Variants in CHSY3 observed in about 807,000 individuals in gnomAD.
The protein encoded by CHSY3 is chondroitin sulfate synthase 3, also known as N-acetylgalactosaminyl-proteoglycan 3-beta-glucuronosyltransferase 3.
A neutral mutation model predicts 67.2 loss-of-function variants in CHSY3; 35 were observed. The ratio of observed to expected loss-of-function variants is 0.52; its 90% confidence interval spans 0.40 to 0.69. CHSY3 has a LOEUF of 0.69. CHSY3 is among the 30% of genes least tolerant of loss of function. The probability of loss-of-function intolerance (pLI) is 0.00; values close to 1 mark genes in which losing one functional copy is unlikely to be tolerated. For missense variants in CHSY3, 1,069 were observed against 1,138.5 expected (o/e 0.94, Z 0.88); for synonymous variants, 474 against 434.7 (o/e 1.09, Z -1.12).
intron 2 of CHSY3, among the ~76,000 whole-genome samples, chr5:130,178,798 T>G (rs73788433): frequency 2.4e-4 from 37 of 152,304 alleles, no homozygotes; most frequent in African/African-American, 8.9e-4. Context: ...AAATAAATAT[T>G]GAATTTGTTA....
At position 129,991,880 on chromosome 5, in the gene CHSY3, G is replaced by C. The variant is rs947870102; in HGVS notation, c.1086+83520G>C. On this transcript the variant is annotated intron_variant, in intron 2 of 2. Coordinates refer to ENST00000305031, the MANE Select transcript of CHSY3 (RefSeq NM_175856.5). ...TAATGACGTCCCCAAAAGATTTCAG[G>C]GAACATGAAGTTGCTTCTGAGAACT... is the stretch of plus-strand genomic sequence containing the variant. 8.5e-5 allele frequency among the ~76,000 whole-genome samples: 13 copies of C among 152,196 alleles called. No homozygotes were observed. The East Asian group carries it at 1.4e-3, about 16-fold the overall frequency.
intron 2 of CHSY3, among the ~76,000 whole-genome samples, chr5:129,993,539 T>G (rs1228846322): frequency 6.6e-6 from 1 of 151,946 alleles, no homozygotes; most frequent in African/African-American, 2.4e-5. Flanking sequence ...AATCCCTGCC[T>G]TTTTTTTGTT....
Position 129,904,751 on chromosome 5 carries a change from G to A in CHSY3, c.-79G>A. 6 of 1,246,522 alleles carry A rather than the reference G, an allele frequency of 4.8e-6. No individual in the cohort carries two copies. Among genetic ancestry groups the A allele is most frequent in the Non-Finnish European group, 6.0e-6 (6 of 997,254 alleles). The allele number at this position is 1,246,522 out of a possible 1,614,324, so 77.2% of individuals were successfully genotyped here. On this transcript the variant is annotated 5_prime_UTR_variant, in exon 1 of 3. Coordinates refer to ENST00000305031, the MANE Select transcript of CHSY3 (RefSeq NM_175856.5). The stretch of plus-strand genomic sequence containing the variant: ...CCGCGGCTGGGGGCGCAAAGGCGGA[G>A]GAGGGGCGGGTGTGAGCCGGGGAAA...
At chr5:130,001,711 A>C in intron 2 of CHSY3, 1 of 758,826 alleles carries the variant, frequency 1.3e-6, no homozygotes, top group Non-Finnish European at 1.6e-6. Context: ...AAAAATAAGT[A>C]ACATTATTTT....
At chr5:130,132,525 C>A (rs9968591) in intron 2 of CHSY3, among the ~76,000 whole-genome samples, 12,403 of 152,096 alleles carry the variant, frequency 0.082, 568 homozygotes, top group African/African-American at 0.1. Flanking sequence ...ATTCTTGGTA[C>A]CTTAAGCCAC....
chr5:130,162,155 T>C (rs1037168304), intron 2 of CHSY3, among the ~76,000 whole-genome samples: 1 of 152,144 alleles, frequency 6.6e-6, no homozygotes, highest in Non-Finnish European at 1.5e-5. Flanking sequence ...ACCGTTTACC[T>C]ATTGACATTT....
At chr5:130,088,938 C>G (rs1451539126) in intron 2 of CHSY3, among the ~76,000 whole-genome samples, 2 of 151,984 alleles carry the variant, frequency 1.3e-5, no homozygotes, top group Non-Finnish European at 2.9e-5. Flanking sequence ...TTTATTGCGG[C>G]ACTATTCACA....
At position 130,128,253 on chromosome 5, in the gene CHSY3, T is replaced by TGTGTGTGTGC. The variant is rs760472284; in HGVS notation, c.1087-55975_1087-55974insTGTGTGTGCG. The stretch of plus-strand genomic sequence containing the variant: ...TGGTGTGTGTGTGTGTGTGTGTGTG[T>TGTGTGTGTGC]GCGCTCACATGCTCAGGCATGCACA... On this transcript the variant is annotated intron_variant, in intron 2 of 2. Coordinates refer to ENST00000305031, the MANE Select transcript of CHSY3 (RefSeq NM_175856.5). Among the ~76,000 whole-genome samples, 361 of 151,008 alleles carry TGTGTGTGTGC rather than the reference T, an allele frequency of 2.4e-3. 1 individual carries two copies. Among genetic ancestry groups the TGTGTGTGTGC allele is most frequent in the African/African-American group, 6.9e-3 (284 of 41,100 alleles).
chr5:129,937,640 A>C (rs1172806137), intron 2 of CHSY3, among the ~76,000 whole-genome samples: 1 of 141,574 alleles, frequency 7.1e-6, no homozygotes, highest in Non-Finnish European at 1.5e-5. Context: ...TATGAGCCTG[A>C]AAAAAAAAAA....
At chr5:130,109,751 G>A (rs1213608619) in intron 2 of CHSY3, among the ~76,000 whole-genome samples, 1 of 151,566 alleles carries the variant, frequency 6.6e-6, no homozygotes, top group Non-Finnish European at 1.5e-5. Flanking sequence ...ATATTAGGTG[G>A]GGATTTGACA....
At chr5:130,022,572 A>G (rs60714581) in intron 2 of CHSY3, among the ~76,000 whole-genome samples, 36 of 152,036 alleles carry the variant, frequency 2.4e-4, no homozygotes, top group African/African-American at 8.7e-4. Flanking sequence ...TCTTTTTGTG[A>G]CCCTGTTTGA....
At chr5:130,076,992 A>C (rs1766286194) in intron 2 of CHSY3, among the ~76,000 whole-genome samples, 1 of 151,678 alleles carries the variant, frequency 6.6e-6, no homozygotes, top group Non-Finnish European at 1.5e-5. Flanking sequence ...GATATACCTA[A>C]TGCTAAATGA....
At chr5:130,037,046 T>C (rs1764881453) in intron 2 of CHSY3, among the ~76,000 whole-genome samples, 1 of 152,086 alleles carries the variant, frequency 6.6e-6, no homozygotes, top group Admixed American at 6.6e-5. Context: ...CAAAGATGCT[T>C]ATTGGAAGTA....
At chr5:129,976,437 T>A (rs1762807734) in intron 2 of CHSY3, among the ~76,000 whole-genome samples, 1 of 152,140 alleles carries the variant, frequency 6.6e-6, no homozygotes, top group African/African-American at 2.4e-5. Flanking sequence ...GTTTCATAGA[T>A]AATATCCCAG....
At chr5:129,911,447 G>A (rs1760544833) in intron 2 of CHSY3, among the ~76,000 whole-genome samples, 2 of 152,124 alleles carry the variant, frequency 1.3e-5, no homozygotes, top group African/African-American at 4.8e-5. Context: ...GATTTTAAGA[G>A]TGTTTATCTC....
chr5:130,086,955 G>A (rs1766656285), intron 2 of CHSY3, among the ~76,000 whole-genome samples: 1 of 152,112 alleles, frequency 6.6e-6, no homozygotes, highest in Non-Finnish European at 1.5e-5. Flanking sequence ...GAACAGTGAT[G>A]CAAAAATCCT....
chr5:129,960,898 C>T (rs1762311494), intron 2 of CHSY3, among the ~76,000 whole-genome samples: 1 of 151,898 alleles, frequency 6.6e-6, no homozygotes, highest in Non-Finnish European at 1.5e-5. Flanking sequence ...GCCTAGTGTT[C>T]GTAGTTATCA....
intron 2 of CHSY3, among the ~76,000 whole-genome samples, chr5:130,118,095 C>T (rs1200512341): frequency 4.6e-5 from 7 of 152,088 alleles, no homozygotes; most frequent in South Asian, 2.1e-4. Flanking sequence ...CTTCACTTTC[C>T]GCAAGCACTG....
intron 2 of CHSY3, among the ~76,000 whole-genome samples, chr5:130,153,940 CAG>C (rs1430145738): frequency 1.3e-4 from 19 of 150,114 alleles, no homozygotes; most frequent in East Asian, 1.0e-3. Flanking sequence ...TTGTTTGAGA[CAG>C]AGTCTCACAC....
Sources: gnomAD v4.1 joint callset for allele counts (sites outside exome capture counted in the v4.1 genomes callset) on GRCh38, gnomAD v4.1.1 for gene constraint, MANE v1.5 for transcripts, NCBI Gene and HGNC (gene_info 2026-07-23, HGNC 2026-07-21) for gene names.